ABL2: variants seen among roughly 807,000 people sequenced by gnomAD.
The protein encoded by ABL2 is tyrosine-protein kinase ABL2.
Under a neutral mutation model 107.7 loss-of-function variants are expected in ABL2, and 49 were observed. The ratio of observed to expected loss-of-function variants is 0.45; its 90% CI spans 0.36 to 0.58. The LOEUF (loss-of-function observed/expected upper bound fraction) is 0.58. Ranked by LOEUF, ABL2 falls within the 20% of genes least tolerant of loss-of-function variation. ABL2 has a pLI of 0.00. For synonymous variants in ABL2, 549 were observed against 548.6 expected (o/e 1.00, Z -0.01); for missense variants, 1,245 against 1,457.0 (o/e 0.85, Z 2.37).
intron 1 of ABL2, among the ~76,000 whole-genome samples, chr1:179,161,717 G>C (rs1659079745): frequency 6.6e-6 from 1 of 152,246 alleles, no homozygotes; most frequent in African/African-American, 2.4e-5. Context: ...TCTCAATAAA[G>C]AAATAACGAG....
intron 1 of ABL2, among the ~76,000 whole-genome samples, chr1:179,175,847 C>CTTT (rs777854254): frequency 0.083 from 10,906 of 132,056 alleles, 557 homozygotes; most frequent in Non-Finnish European, 0.092. Context: ...ACACATTCTT[C>CTTT]TTTTTTTTTT....
intron 1 of ABL2, among the ~76,000 whole-genome samples, chr1:179,163,472 C>A (rs896352038): frequency 6.6e-6 from 1 of 152,144 alleles, no homozygotes; most frequent in African/African-American, 2.4e-5. Context: ...CTGGGCCAGG[C>A]GCAGTGGCTA....
chr1:179,219,393 AGAG>A (rs1478897095), intron 1 of ABL2, among the ~76,000 whole-genome samples: 1 of 152,150 alleles, frequency 6.6e-6, no homozygotes, highest in Non-Finnish European at 1.5e-5. Flanking sequence ...AAAATAACAC[AGAG>A]AAGAAGAAAA....
chr1:179,229,201 CCT>C, intron 1 of ABL2, 38 bp downstream of exon 1: 1 of 1,381,512 alleles, frequency 7.2e-7, no homozygotes, highest in Non-Finnish European at 9.5e-7. Flanking sequence ...CCACCCCCGG[CCT>C]CCCCCACGCT....
chr1:179,189,832 T>G (rs1003842445), intron 1 of ABL2, among the ~76,000 whole-genome samples: 1 of 152,084 alleles, frequency 6.6e-6, no homozygotes, highest in African/African-American at 2.4e-5. Context: ...TTTTTGTTTT[T>G]TTTTTGAGAC....
intron 1 of ABL2, among the ~76,000 whole-genome samples, chr1:179,141,574 T>G (rs1459342737): frequency 1.3e-5 from 2 of 152,222 alleles, no homozygotes; most frequent in Admixed American, 1.3e-4. Flanking sequence ...AAGTAATTTT[T>G]GAGGCCAAAG....
rs141051828 is a variant in ABL2, at chr1:179,178,763, G to T, written c.158-45389C>A. On this transcript the variant is annotated intron_variant, in intron 1 of 11. Transcript: ENST00000502732. ...AAATTAGCTGAGTGTGGTGGGCTGG[G>T]GGGGGTGCCTGTAATCCCAGCTACT... 5.7e-3 allele frequency among the ~76,000 whole-genome samples: 862 copies of T among 152,122 alleles called. 10 individuals carry two copies. The highest frequency in any genetic ancestry group is 0.019 in the African/African-American group (794 of 41,476).
intron 4 of ABL2, among the ~76,000 whole-genome samples, chr1:179,123,023 G>A (rs1375148730): frequency 6.6e-6 from 1 of 152,152 alleles, no homozygotes; most frequent in Non-Finnish European, 1.5e-5. Flanking sequence ...GTAAAGAAGA[G>A]ATACCCTGAT....
At chr1:179,198,088 C>T (rs1437859124) in intron 1 of ABL2, among the ~76,000 whole-genome samples, 1 of 149,594 alleles carries the variant, frequency 6.7e-6, no homozygotes, top group Non-Finnish European at 1.5e-5. Context: ...TGCGACGGTC[C>T]CCTGAGCCTG....
intron 1 of ABL2, among the ~76,000 whole-genome samples, chr1:179,159,989 C>T (rs142148773): frequency 3.3e-5 from 5 of 152,150 alleles, no homozygotes; most frequent in African/African-American, 1.2e-4. Flanking sequence ...CGGCATGCAC[C>T]TGTAGTCCCA....
intron 1 of ABL2, among the ~76,000 whole-genome samples, chr1:179,194,269 A>C (rs1424108981): frequency 6.6e-6 from 1 of 152,186 alleles, no homozygotes; most frequent in African/African-American, 2.4e-5. Context: ...TTGTTACATG[A>C]GCACGAATTT....
intron 1 of ABL2, among the ~76,000 whole-genome samples, chr1:179,192,533 T>C: frequency 6.6e-6 from 1 of 152,222 alleles, no homozygotes. Flanking sequence ...CCAAGTCATG[T>C]TATCATAATG....
At chr1:179,143,735 C>A (rs991876981) in intron 1 of ABL2, among the ~76,000 whole-genome samples, 15 of 152,318 alleles carry the variant, frequency 9.8e-5, no homozygotes, top group Admixed American at 7.8e-4. Context: ...CTCGCTCTGT[C>A]GCCCAGGCTG....
intron 2 of ABL2, 135 bp downstream of exon 2, chr1:179,133,177 T>C (rs1190298063): frequency 7.0e-7 from 1 of 1,435,996 alleles, no homozygotes; most frequent in East Asian, 2.3e-5. Flanking sequence ...ATTTTTAATA[T>C]AAAAATAGTT....
In ABL2 at chr1:179,126,106, C is replaced by T. The variant is rs925952693; in HGVS notation, c.687+271G>A. ...TATATTTGTGTACTGATTATAAGAA[C>T]AGCTAACTTATAGAGCAGTTCCCTT... is the stretch of plus-strand genomic sequence containing the variant. On this transcript the variant is annotated intron_variant, in intron 4 of 11. Coordinates refer to ENST00000502732, the MANE Select transcript of ABL2 (RefSeq NM_007314.4). The surrounding 1 kb of genome is among the most constrained non-coding windows in gnomAD (Gnocchi z 4.4). Among the ~76,000 whole-genome samples, 4 of 152,302 alleles carry T rather than the reference C, an allele frequency of 2.6e-5. No homozygotes were observed. The highest frequency in any genetic ancestry group is 4.1e-4 in the South Asian group (2 of 4,822).
At chr1:179,146,897 C>G (rs1557954655) in intron 1 of ABL2, among the ~76,000 whole-genome samples, 1 of 151,896 alleles carries the variant, frequency 6.6e-6, no homozygotes, top group South Asian at 2.1e-4. Flanking sequence ...TCTCCATATC[C>G]TCTTGCTTTT....
At chr1:179,131,238 C>A (rs1656290592) in intron 3 of ABL2, 73 bp downstream of exon 3, 2 of 1,517,294 alleles carry the variant, frequency 1.3e-6, no homozygotes, top group African/African-American at 1.4e-5. Context: ...GCCACTGTGC[C>A]TGGCCAGGCC....
chr1:179,172,058 C>G (rs1018567721), intron 1 of ABL2, among the ~76,000 whole-genome samples: 1 of 152,166 alleles, frequency 6.6e-6, no homozygotes, highest in South Asian at 2.1e-4. Context: ...AGTCACAGAG[C>G]TAGAGCCCAA....
chr1:179,222,307 G>A (rs1662914990), intron 1 of ABL2, among the ~76,000 whole-genome samples: 2 of 152,086 alleles, frequency 1.3e-5, no homozygotes, highest in Admixed American at 6.6e-5. Context: ...TCAGCTCACT[G>A]CAACCTCCGC....
Sources: gnomAD v4.1 joint callset for allele counts (sites outside exome capture counted in the v4.1 genomes callset) on GRCh38, gnomAD v4.1.1 for gene constraint, Gnocchi (gnomAD v3.1) non-coding constraint, MANE v1.5 for transcripts, NCBI Gene and HGNC (gene_info 2026-07-23, HGNC 2026-07-21) for gene names.